Variants in RNF150 observed in about 807,000 individuals in gnomAD.
The protein encoded by RNF150 is ring finger protein 150.
A neutral mutation model predicts 39.3 loss-of-function variants in RNF150; 24 were observed. The observed-to-expected ratio is 0.61, with a 90% confidence interval of 0.44 to 0.86. The LOEUF (loss-of-function observed/expected upper bound fraction) is 0.86, where lower values mean the gene tolerates loss of function less well. Ranked by LOEUF, RNF150 falls within the 40% of genes least tolerant of loss-of-function variation. The probability of loss-of-function intolerance (pLI) is 0.00; values close to 1 mark genes in which losing one functional copy is unlikely to be tolerated. For missense variants in RNF150, 502 were observed against 587.8 expected, an observed-to-expected ratio of 0.85 and a Z score of 1.51; for synonymous variants, 255 against 227.3, an observed-to-expected ratio of 1.12 and a Z score of -1.10.
At chr4:140,931,390 T>C (rs1336932359) in intron 4 of RNF150, among the ~76,000 whole-genome samples, 1 of 152,232 alleles carries the variant, frequency 6.6e-6, no homozygotes, top group African/African-American at 2.4e-5. Flanking sequence ...TTTGGTAGCA[T>C]ATTGATCATC....
chr4:141,052,472 T>A (rs1296377815), intron 1 of RNF150, among the ~76,000 whole-genome samples: 1 of 152,162 alleles, frequency 6.6e-6, no homozygotes, highest in Non-Finnish European at 1.5e-5. Flanking sequence ...ACCTCCTGGG[T>A]TCACACAATT....
chr4:141,046,306 C>G (rs1736573805), intron 1 of RNF150, among the ~76,000 whole-genome samples: 1 of 152,192 alleles, frequency 6.6e-6, no homozygotes, highest in Non-Finnish European at 1.5e-5. Context: ...GATACTAACA[C>G]TCCTCTTTAA....
At chr4:141,179,329 A>G (rs1727866038) in intron 1 of RNF150, among the ~76,000 whole-genome samples, 1 of 152,168 alleles carries the variant, frequency 6.6e-6, no homozygotes, top group Non-Finnish European at 1.5e-5. Context: ...TTCCTTATCA[A>G]TTTAGGTTGT....
At chr4:140,883,294 T>C (rs190050102) in intron 6 of RNF150, among the ~76,000 whole-genome samples, 3 of 152,326 alleles carry the variant, frequency 2.0e-5, no homozygotes, top group East Asian at 1.9e-4. Flanking sequence ...GTGATTTATG[T>C]ACCACCATTA....
intron 4 of RNF150, among the ~76,000 whole-genome samples, chr4:140,939,828 T>C (rs1732013243): frequency 6.6e-6 from 1 of 152,216 alleles, no homozygotes; most frequent in Admixed American, 6.5e-5. Context: ...GCTACCTACC[T>C]GAGAAACAGG....
chr4:141,134,211 G>C (rs1726985363), upstream of RNF150, among the ~76,000 whole-genome samples: 1 of 152,150 alleles, frequency 6.6e-6, no homozygotes, highest in African/African-American at 2.4e-5. Flanking sequence ...ATTGTTTATA[G>C]TGCGCTCTCC....
chr4:141,027,426 A>G (rs1190389823), intron 1 of RNF150, among the ~76,000 whole-genome samples: 1 of 152,212 alleles, frequency 6.6e-6, no homozygotes, highest in African/African-American at 2.4e-5. Context: ...ACACAAATCT[A>G]CACAGTGAAA....
At position 140,867,181 on chromosome 4, in the gene RNF150, G is replaced by A. The variant is rs1486620293; in HGVS notation, c.*1080C>T. ...TGGTCTGGTGAGATTCAACAGAAGT[G>A]TGTCGAAATTAAGGTAAAAGCTAGG... On this transcript the variant is annotated 3_prime_UTR_variant, in exon 7 of 7. Coordinates refer to ENST00000515673, the MANE Select transcript of RNF150 (RefSeq NM_020724.2). 6.6e-6 allele frequency: 1 copy of A among 152,190 alleles called. No homozygotes were observed. Among genetic ancestry groups the A allele is most frequent in the Non-Finnish European group, 1.5e-5 (1 of 68,034 alleles). 9.4% of individuals were successfully genotyped at this position (152,190 alleles called of 1,614,324 possible). A position where few individuals can be genotyped will look rare whatever the true frequency, so the allele number is the denominator to read the frequency against.
intron 1 of RNF150, among the ~76,000 whole-genome samples, chr4:141,154,628 A>G (rs145717656): frequency 1.3e-5 from 2 of 152,358 alleles, no homozygotes; most frequent in African/African-American, 2.4e-5. Context: ...CCCCTGTGCA[A>G]CACATCTGAA....
chr4:140,923,854 A>T (rs1406152116), intron 5 of RNF150, among the ~76,000 whole-genome samples: 2 of 152,192 alleles, frequency 1.3e-5, no homozygotes, highest in Admixed American at 1.3e-4. Flanking sequence ...CATCATTCTC[A>T]GCAAACTGTT....
rs886717250 is a variant in RNF150 at position 141,191,540 on chromosome 4, G to T, written c.-6+21254C>A. On this transcript the variant is annotated intron_variant, in intron 1 of 7. Transcript: ENST00000420921. ...TTTGTCATATTTCCACATTGCTCTT[G>T]TCAAAGAGGGTGTCGTATATTTGGA... Among the ~76,000 whole-genome samples the T allele has an allele frequency of 5.9e-5, 9 of 152,294 alleles. 1 individual carries two copies. Among genetic ancestry groups the T allele is most frequent in the African/African-American group, 2.2e-4 (9 of 41,564 alleles).
chr4:141,197,079 T>C (rs1728212964), intron 1 of RNF150, among the ~76,000 whole-genome samples: 1 of 152,220 alleles, frequency 6.6e-6, no homozygotes, highest in Non-Finnish European at 1.5e-5. Flanking sequence ...TTTTTTTTAC[T>C]CCTTTGCGCT....
intron 1 of RNF150, among the ~76,000 whole-genome samples, chr4:141,051,832 T>C (rs952022956): frequency 6.6e-6 from 1 of 152,200 alleles, no homozygotes; most frequent in Non-Finnish European, 1.5e-5. Flanking sequence ...TTCTTCCACA[T>C]TTTTGGGTAT....
At chr4:140,903,517 C>T (rs1730265584) in intron 6 of RNF150, among the ~76,000 whole-genome samples, 1 of 152,138 alleles carries the variant, frequency 6.6e-6, no homozygotes, top group Non-Finnish European at 1.5e-5. Flanking sequence ...AAAGTGCTGA[C>T]CTGCAAGCTG....
chr4:140,906,791 C>T (rs533509172), intron 6 of RNF150, among the ~76,000 whole-genome samples: 2 of 152,250 alleles, frequency 1.3e-5, no homozygotes, highest in South Asian at 4.1e-4. Flanking sequence ...CCACCATTCC[C>T]ACCCTCCATG....
chr4:140,980,973 G>A (rs1017331063), intron 1 of RNF150, among the ~76,000 whole-genome samples: 2 of 152,014 alleles, frequency 1.3e-5, no homozygotes, highest in Admixed American at 6.5e-5. Flanking sequence ...TAATTTCTAC[G>A]TGTAAGTATT....
intron 1 of RNF150, among the ~76,000 whole-genome samples, chr4:141,193,946 C>T (rs1728157233): frequency 1.3e-5 from 2 of 152,112 alleles, no homozygotes; most frequent in Admixed American, 1.3e-4. Context: ...TTAGAATGGC[C>T]ACTGAGGAAG....
At chr4:140,937,376 T>A (rs1490047463) in intron 4 of RNF150, among the ~76,000 whole-genome samples, 1 of 152,170 alleles carries the variant, frequency 6.6e-6, no homozygotes, top group African/African-American at 2.4e-5. Context: ...TCATCTTGCC[T>A]CAACTTCCCG....
intron 1 of RNF150, among the ~76,000 whole-genome samples, chr4:141,197,709 T>C (rs1246007858): frequency 2.6e-5 from 4 of 152,050 alleles, no homozygotes; most frequent in Admixed American, 6.5e-5. Flanking sequence ...AAACCCCATC[T>C]CTACTAAAAC....
Sources: allele counts gnomAD v4.1 joint callset (sites outside exome capture counted in the v4.1 genomes callset), GRCh38; gene constraint gnomAD v4.1.1; transcripts MANE v1.5; gene names NCBI Gene and HGNC (gene_info 2026-07-23, HGNC 2026-07-21).